Variants in PELI2 observed in about 807,000 individuals in gnomAD.
PELI2 encodes E3 ubiquitin-protein ligase pellino homolog 2.
In PELI2, 23 loss-of-function variants were observed where a neutral mutation model predicts 42.3. The observed-to-expected ratio is 0.54, with a 90% CI of 0.39 to 0.77. PELI2 has a LOEUF of 0.77. Among genes scored for constraint, PELI2 ranks in the 30% least tolerant of loss-of-function variants. The pLI, the probability that PELI2 is intolerant of heterozygous loss-of-function variation, is 0.00. For synonymous variants in PELI2, 245 were observed against 212.2 expected (o/e 1.15, Z -1.34); for missense variants, 463 against 553.2 (o/e 0.84, Z 1.64).
chr14:56,162,575 G>A (rs1884804927), intron 1 of PELI2, among the ~76,000 whole-genome samples: 1 of 152,274 alleles, frequency 6.6e-6, no homozygotes, highest in South Asian at 2.1e-4. Flanking sequence ...GCAAACATAG[G>A]AATGCAGATA....
At chr14:56,240,415 A>G (rs185299699) in intron 2 of PELI2, among the ~76,000 whole-genome samples, 3 of 152,302 alleles carry the variant, frequency 2.0e-5, no homozygotes, top group South Asian at 4.1e-4. Flanking sequence ...GATGATGCCA[A>G]AAGTGAAAGT....
At chr14:56,209,704 C>A (rs1317882963) in intron 2 of PELI2, among the ~76,000 whole-genome samples, 1 of 152,078 alleles carries the variant, frequency 6.6e-6, no homozygotes, top group East Asian at 1.9e-4. Flanking sequence ...GTAAAGAAGT[C>A]TTGAGACTAA....
chr14:56,133,720 C>A lies in PELI2; in HGVS notation c.77+14983C>A, dbSNP rs138034144. Among the ~76,000 whole-genome samples the A allele has an allele frequency of 2.3e-4, 35 of 152,320 alleles. No homozygotes were observed. In the East Asian group the frequency reaches 5.4e-3, roughly 24 times the overall value. On this transcript the variant is annotated intron_variant, in intron 1 of 5. Coordinates refer to ENST00000267460, the MANE Select transcript of PELI2 (RefSeq NM_021255.3). ...CCCAGGTGTCACTTCCAGCGTGATG[C>A]CCTTCCTGAATCCTCCCCCTTTTCC...
intron 1 of PELI2, among the ~76,000 whole-genome samples, chr14:56,150,401 A>G (rs969238562): frequency 2.0e-5 from 3 of 152,178 alleles, no homozygotes; most frequent in Non-Finnish European, 4.4e-5. Flanking sequence ...CCCATTTTCT[A>G]TTAGCCATAT....
At chr14:56,276,646 T>C (rs1338816250) in intron 2 of PELI2, among the ~76,000 whole-genome samples, 5 of 152,204 alleles carry the variant, frequency 3.3e-5, no homozygotes, top group Non-Finnish European at 5.9e-5. Context: ...ACTCCCCACC[T>C]TCATGGGATT....
intron 1 of PELI2, among the ~76,000 whole-genome samples, chr14:56,120,721 G>A (rs759351726): frequency 6.6e-6 from 1 of 152,180 alleles, no homozygotes; most frequent in Non-Finnish European, 1.5e-5. Flanking sequence ...CATGCAAATA[G>A]AGGAGTAATA....
intron 1 of PELI2, among the ~76,000 whole-genome samples, chr14:56,151,526 A>T (rs764183525): frequency 1.3e-5 from 2 of 152,228 alleles, no homozygotes; most frequent in Non-Finnish European, 1.5e-5. Flanking sequence ...ATTAGAATGT[A>T]GTTGTTCAGC....
chr14:56,149,000 C>A (rs953186684), intron 1 of PELI2, among the ~76,000 whole-genome samples: 1 of 152,132 alleles, frequency 6.6e-6, no homozygotes, highest in Non-Finnish European at 1.5e-5. Context: ...GAGACCCAAA[C>A]CCATTCACTG....
chr14:56,217,817 C>G (rs1886966280), intron 2 of PELI2, among the ~76,000 whole-genome samples: 2 of 152,248 alleles, frequency 1.3e-5, no homozygotes, highest in Middle Eastern at 3.4e-3. Flanking sequence ...ATTGCCTTTC[C>G]CTTCTGCCTG....
At chr14:56,274,171 C>T (rs1202346241) in intron 2 of PELI2, among the ~76,000 whole-genome samples, 6 of 147,258 alleles carry the variant, frequency 4.1e-5, no homozygotes, top group Non-Finnish European at 8.9e-5. Context: ...CAGGCTTTTT[C>T]GCAGGAAGCC....
At chr14:56,125,929 G>A (rs1375531757) in intron 1 of PELI2, among the ~76,000 whole-genome samples, 2 of 152,128 alleles carry the variant, frequency 1.3e-5, no homozygotes, top group East Asian at 3.9e-4. Context: ...ATGGAGATGT[G>A]GCCAGGGCTT....
At chr14:56,157,705 A>C (rs242412) in intron 1 of PELI2, among the ~76,000 whole-genome samples, 89,371 of 152,092 alleles carry the variant, frequency 0.59, 26,867 homozygotes, top group East Asian at 0.86. Flanking sequence ...TCTGGCATGT[A>C]TGTATTTCCA....
intron 1 of PELI2, among the ~76,000 whole-genome samples, chr14:56,159,445 A>G (rs374348181): frequency 7.3e-4 from 111 of 152,368 alleles, no homozygotes; most frequent in African/African-American, 2.6e-3. Context: ...ATTAATTGGT[A>G]AAATATGTAA....
chr14:56,183,522 G>A lies in PELI2; in HGVS notation c.207+5058G>A, dbSNP rs139679787. ...CATTAAGTATTTATTAGGACTTCAAGAATTGTTTTTATGTGAATGTAGCAT... is the reference window on the plus strand; with the variant it reads ...CATTAAGTATTTATTAGGACTTCAAAAATTGTTTTTATGTGAATGTAGCAT... On this transcript the variant is annotated intron_variant, in intron 2 of 5. Transcript: ENST00000267460. 6.3e-3 allele frequency among the ~76,000 whole-genome samples: 955 copies of A among 152,258 alleles called. 10 individuals carry two copies. Among genetic ancestry groups the A allele is most frequent in the African/African-American group, 0.022 (922 of 41,554 alleles).
intron 2 of PELI2, among the ~76,000 whole-genome samples, chr14:56,231,187 T>G (rs896481008): frequency 3.3e-5 from 5 of 152,122 alleles, no homozygotes; most frequent in African/African-American, 1.2e-4. Context: ...CTGTCAACAT[T>G]AGACAGATCA....
chr14:56,247,842 A>G (rs1371705185), intron 2 of PELI2, among the ~76,000 whole-genome samples: 1 of 152,260 alleles, frequency 6.6e-6, no homozygotes, highest in Non-Finnish European at 1.5e-5. Context: ...TCTTGTTAAG[A>G]AAGTAGTCAT....
intron 1 of PELI2, among the ~76,000 whole-genome samples, chr14:56,127,170 C>A (rs553304751): frequency 6.6e-6 from 1 of 152,126 alleles, no homozygotes; most frequent in Non-Finnish European, 1.5e-5. Flanking sequence ...TTGTTGAGAG[C>A]GTGGCAGTTG....
At chr14:56,215,593 A>G (rs1436360184) in intron 2 of PELI2, among the ~76,000 whole-genome samples, 1 of 152,254 alleles carries the variant, frequency 6.6e-6, no homozygotes, top group Non-Finnish European at 1.5e-5. Flanking sequence ...GGAAATTCAT[A>G]TTTGGTGTTC....
chr14:56,164,727 T>C (rs996998713), intron 1 of PELI2, among the ~76,000 whole-genome samples: 1 of 152,140 alleles, frequency 6.6e-6, no homozygotes, highest in South Asian at 2.1e-4. Flanking sequence ...GTTATTGGTC[T>C]GTTCAGGTTT....
Sources: gnomAD v4.1 joint callset for allele counts (sites outside exome capture counted in the v4.1 genomes callset) on GRCh38, gnomAD v4.1.1 for gene constraint, MANE v1.5 for transcripts, NCBI Gene and HGNC (gene_info 2026-07-23, HGNC 2026-07-21) for gene names.